Variants in TCEA1 observed in about 807,000 individuals in gnomAD.
The protein encoded by TCEA1 is transcription elongation factor A1.
Under a neutral mutation model 43.8 loss-of-function variants are expected in TCEA1, and 21 were observed. That is an observed-to-expected ratio of 0.48 (90% CI 0.34 to 0.69). The LOEUF (loss-of-function observed/expected upper bound fraction) is 0.69, where lower values mean the gene tolerates loss of function less well. Ranked by LOEUF, TCEA1 falls within the 30% of genes least tolerant of loss-of-function variation. TCEA1 has a pLI of 0.01. For synonymous variants in TCEA1, 104 were observed against 117.5 expected, an observed-to-expected ratio of 0.88 and a Z score of 0.75; for missense variants, 250 against 365.1, an observed-to-expected ratio of 0.68 and a Z score of 2.57.
chr8:53,968,234 T>G, intron 9 of TCEA1, 122 bp from the exon 10 acceptor site: 1 of 718,974 alleles, frequency 1.4e-6, no homozygotes, highest in African/African-American at 1.8e-5. Flanking sequence ...AAAGATGCTG[T>G]ATTTTTCACA....
intron 5 of TCEA1, among the ~76,000 whole-genome samples, chr8:53,987,797 T>C (rs12682286): frequency 1 from 151,804 of 152,326 alleles, 75,644 homozygotes; most frequent in Middle Eastern, 1. Context: ...GATCAGGGTA[T>C]GTAGTTTGCA....
Position 53,967,995 on chromosome 8 carries a change from G to A in TCEA1, c.*109C>T. The A allele has an allele frequency of 2.0e-6, 2 of 1,020,942 alleles. No homozygotes were observed. The highest frequency in any genetic ancestry group is 2.9e-6 in the Non-Finnish European group (2 of 699,656). 63.2% of individuals were successfully genotyped at this position (1,020,942 alleles called of 1,614,324 possible). On this transcript the variant is annotated 3_prime_UTR_variant, in exon 10 of 10. Transcript: ENST00000521604. ...AGGTCAAAAACAAAGTCTAACCCAA[G>A]TTGCTTTAAAAATTTGATTTGCAGG...
chr8:53,999,029 C>CCA (rs1804160912), intron 3 of TCEA1, among the ~76,000 whole-genome samples: 1 of 152,054 alleles, frequency 6.6e-6, no homozygotes, highest in Non-Finnish European at 1.5e-5. Flanking sequence ...GTGATCGAGA[C>CCA]CACCCTGGCT....
intron 4 of TCEA1, among the ~76,000 whole-genome samples, chr8:53,990,352 T>C (rs1381260999): frequency 1.3e-5 from 2 of 148,992 alleles, no homozygotes; most frequent in Non-Finnish European, 3.0e-5. Context: ...CCAAAACTCA[T>C]TTCTTTTCTT....
At position 53,994,817 on chromosome 8, in the gene TCEA1, G is replaced by A. The variant is rs1803998630; in HGVS notation, c.233-1062C>T. Among the ~76,000 whole-genome samples, 6 of 151,602 alleles carry A rather than the reference G, an allele frequency of 4.0e-5. No individual in the cohort carries two copies. In the South Asian group the frequency reaches 1.2e-3, roughly 32 times the overall value. On this transcript the variant is annotated intron_variant, in intron 3 of 9. Coordinates refer to ENST00000521604, the MANE Select transcript of TCEA1 (RefSeq NM_006756.4). Reference sequence around the variant, plus strand: ...ACCCAGGAGGCGGAGGTTGCAGTGAGCCGAGATCATACCACTGCACTCCAG... The same window carrying A: ...ACCCAGGAGGCGGAGGTTGCAGTGAACCGAGATCATACCACTGCACTCCAG...
At chr8:54,009,158 TAA>T (rs1286824487) in intron 2 of TCEA1, among the ~76,000 whole-genome samples, 1 of 140,980 alleles carries the variant, frequency 7.1e-6, no homozygotes, top group African/African-American at 2.6e-5. Context: ...TGGCTACTAT[TAA>T]AAAGACAAAA....
intron 2 of TCEA1, among the ~76,000 whole-genome samples, chr8:54,004,978 C>T (rs1804393798): frequency 7.2e-6 from 1 of 139,438 alleles, no homozygotes; most frequent in African/African-American, 2.7e-5. Context: ...TATTACTAGC[C>T]CAAATATTTG....
At chr8:54,010,201 C>T (rs984903659) in intron 2 of TCEA1, 2 of 408,120 alleles carry the variant, frequency 4.9e-6, no homozygotes, top group Non-Finnish European at 8.6e-6. Flanking sequence ...TTCACTGCTA[C>T]TGCCAACTTT....
chr8:53,979,770 T>C (rs1362510548), intron 7 of TCEA1, among the ~76,000 whole-genome samples: 16 of 152,192 alleles, frequency 1.1e-4, no homozygotes, highest in Admixed American at 1.0e-3. Flanking sequence ...ATTGCTCCTA[T>C]AGGTAACATT....
At chr8:54,010,562 C>T (rs1014895789) in intron 1 of TCEA1, 70 bp from the exon 2 acceptor site, 3 of 1,275,636 alleles carry the variant, frequency 2.4e-6, no homozygotes, top group African/African-American at 1.5e-5. Flanking sequence ...AAATAAGGTT[C>T]ATGGGAGAAT....
intron 3 of TCEA1, among the ~76,000 whole-genome samples, chr8:53,995,371 A>G (rs1804022777): frequency 6.6e-6 from 1 of 151,954 alleles, no homozygotes; most frequent in Admixed American, 6.6e-5. Flanking sequence ...AGGCAGGAGG[A>G]ACGCTTGAGC....
intron 8 of TCEA1, among the ~76,000 whole-genome samples, chr8:53,978,259 TA>T (rs998911177): frequency 3.2e-4 from 48 of 152,096 alleles, no homozygotes; most frequent in African/African-American, 1.1e-3. Context: ...TAATTTTTTT[TA>T]AAAAAAATCA....
At chr8:53,998,390 A>G (rs1292124307) in intron 3 of TCEA1, among the ~76,000 whole-genome samples, 1 of 152,180 alleles carries the variant, frequency 6.6e-6, no homozygotes, top group Non-Finnish European at 1.5e-5. Flanking sequence ...GTCAAAATAA[A>G]AAGTTAAACT....
chr8:53,985,879 A>C (rs1803675876), intron 6 of TCEA1, among the ~76,000 whole-genome samples: 1 of 152,210 alleles, frequency 6.6e-6, no homozygotes. Context: ...TGCACAACTT[A>C]AATTCAGACA....
chr8:54,020,988 G>C (rs1805005622), intron 1 of TCEA1, among the ~76,000 whole-genome samples: 1 of 152,130 alleles, frequency 6.6e-6, no homozygotes, highest in Non-Finnish European at 1.5e-5. Flanking sequence ...AGGAGTTCGA[G>C]ACCAGCCTGG....
intron 4 of TCEA1, among the ~76,000 whole-genome samples, chr8:53,990,356 TTTTC>T (rs1563485373): frequency 6.7e-6 from 1 of 149,018 alleles, no homozygotes; most frequent in Non-Finnish European, 1.5e-5. Flanking sequence ...AACTCATTTC[TTTTC>T]TTTTTTTTTT....
intron 8 of TCEA1, chr8:53,974,008 C>A (rs7824579): frequency 0.15 from 24,347 of 158,576 alleles, 5,423 homozygotes; most frequent in African/African-American, 0.51. Flanking sequence ...AACCCTGTCT[C>A]TACTAAAAAT....
chr8:53,980,266 T>G (rs1803462119), intron 7 of TCEA1, among the ~76,000 whole-genome samples: 2 of 152,202 alleles, frequency 1.3e-5, no homozygotes, highest in Non-Finnish European at 2.9e-5. Flanking sequence ...AGGCAAGAAA[T>G]GTATAGAATA....
Position 53,984,415 on chromosome 8 carries a change from T to C in TCEA1, c.626A>G (p.Asn209Ser), listed in dbSNP as rs748867181. The C allele has an allele frequency of 2.5e-6, 4 of 1,605,470 alleles. No individual in the cohort carries two copies. Among genetic ancestry groups the C allele is most frequent in the South Asian group, 2.2e-5 (2 of 89,428 alleles). The change falls in exon 7 of 10, where the codon AAT (asparagine) becomes AGT (serine). Residue 209 changes from asparagine to serine, a missense_variant. Asn to Ser is a conservative substitution (Grantham distance 46). Transcript: ENST00000521604. The stretch of plus-strand genomic sequence containing the variant: ...AGGAGGAATATTCCCACAGAGGACA[T>C]TTTTCCTTAAATTTGGATTTTTTGC... ...KDAKNPNLRK[N>S]VLCGNIPPDL...
Sources: gnomAD v4.1 joint callset for allele counts (sites outside exome capture counted in the v4.1 genomes callset) on GRCh38, gnomAD v4.1.1 for gene constraint, MANE v1.5 for transcripts, NCBI Gene and HGNC (gene_info 2026-07-23, HGNC 2026-07-21) for gene names.